Variants in H2BC12 observed in about 807,000 individuals in gnomAD.
The protein encoded by H2BC12 is H2B clustered histone 12, also known as histone H2B type 1-K.
In H2BC12, 6 loss-of-function variants were observed where a neutral mutation model predicts 6.3. The ratio of observed to expected loss-of-function variants is 0.95; its 90% CI spans 0.52 to 1.87. The LOEUF (loss-of-function observed/expected upper bound fraction) is 1.87. H2BC12 is among the 40% of genes most tolerant of loss of function. The probability of loss-of-function intolerance (pLI) is 0.01; values close to 1 mark genes in which losing one functional copy is unlikely to be tolerated. For synonymous variants in H2BC12, 132 were observed against 78.5 expected, an observed-to-expected ratio of 1.68 and a Z score of -3.60; for missense variants, 119 against 178.4, an observed-to-expected ratio of 0.67 and a Z score of 1.90.
chr6:27,143,846 T>TAAAAAAAAAAAAAAAAAAAAAAAA (rs34292040), downstream of H2BC12, among the ~76,000 whole-genome samples: 1 of 113,628 alleles, frequency 8.8e-6, no homozygotes, highest in Non-Finnish European at 1.8e-5. Flanking sequence ...AACTACTCTT[T>TAAAAAAAAAAAAAAAAAAAAAAAA]AAAAAAAAAA....
chr6:27,139,636 CCAGT>C, the H2BC12 span: 6 of 1,592,954 alleles, frequency 3.8e-6, no homozygotes, highest in East Asian at 4.5e-5. Flanking sequence ...ATTTTGAAGC[CCAGT>C]CATTCTCTAA....
chr6:27,140,349 C>T, the H2BC12 span, among the ~76,000 whole-genome samples: 1 of 152,056 alleles, frequency 6.6e-6, no homozygotes, highest in Non-Finnish European at 1.5e-5. Flanking sequence ...TTTACTGTTC[C>T]CACGCGTTTT....
In H2BC12 at chr6:27,146,757, G is replaced by T. The variant is rs538231648; in HGVS notation, c.42C>A (p.Gly14=). Residue 14 remains glycine, a synonymous_variant, in exon 1 of 1, where the codon GGC becomes GGA. Coordinates refer to ENST00000356950, the MANE Select transcript of H2BC12 (RefSeq NM_001312653.2). ...PAKSAPAPKK[G]SKKAVTKAQK... ...GCGCCTTAGTCACGGCTTTCTTCGA[G>T]CCCTTCTTGGGCGCGGGAGCGGACT... The T allele has an allele frequency of 5.0e-6, 8 of 1,614,146 alleles. No individual in the cohort carries two copies. The highest frequency in any genetic ancestry group is 2.2e-5 in the East Asian group (1 of 44,902).
At chr6:27,139,894 T>C in the H2BC12 span, 1 of 489,600 alleles carries the variant, frequency 2.0e-6, no homozygotes, top group Middle Eastern at 5.7e-4. Context: ...GGTTTACCGC[T>C]CGGATTAGTT....
chr6:27,142,564 A>G (rs556452838), downstream of H2BC12, among the ~76,000 whole-genome samples: 3 of 151,206 alleles, frequency 2.0e-5, no homozygotes, highest in South Asian at 6.3e-4. Context: ...GTGCCCAGAC[A>G]ATTTTTTTTA....
In H2BC12 at chr6:27,146,791, T is replaced by A; in HGVS notation, c.8A>T (p.Glu3Val). The change falls in exon 1 of 1, where the codon GAA becomes GTA. Residue 3 changes from glutamate (E) to valine (V), a missense_variant. This residue lies in a region of H2BC12 where 50 missense variants were observed against 37.4 expected (regional missense o/e 1.34). Transcript: ENST00000356950. MP[E>V]PAKSAPAPKK... ...GGGCGCGGGAGCGGACTTCGCTGGT[T>A]CCGGCATGTTGAAGGCGAACTACGA... 1 of 1,613,982 alleles carries A rather than the reference T, an allele frequency of 6.2e-7. No individual in the cohort carries two copies. Among genetic ancestry groups the A allele is most frequent in the Non-Finnish European group, 8.5e-7 (1 of 1,179,944 alleles).
At chr6:27,144,393 C>T (rs933617109), downstream of H2BC12, among the ~76,000 whole-genome samples, 33 of 122,030 alleles carry the variant, frequency 2.7e-4, no homozygotes, top group African/African-American at 6.2e-4. Flanking sequence ...ACCTGGGAGG[C>T]GGAGGTTGCA....
the H2BC12 span, chr6:27,139,297 G>C: frequency 6.3e-7 from 1 of 1,593,638 alleles, no homozygotes; most frequent in Admixed American, 1.7e-5. Context: ...TTTGTTCTCT[G>C]ACCACTTGAT....
downstream of H2BC12, among the ~76,000 whole-genome samples, chr6:27,142,557 C>T (rs1760018787): frequency 6.6e-6 from 1 of 151,848 alleles, no homozygotes; most frequent in African/African-American, 2.4e-5. Flanking sequence ...AGCCACTGTG[C>T]CCAGACAATT....
At chr6:27,145,809 C>G (rs1230407611), downstream of H2BC12, among the ~76,000 whole-genome samples, 1 of 152,216 alleles carries the variant, frequency 6.6e-6, no homozygotes, top group African/African-American at 2.4e-5. Context: ...TGCTCCTCCC[C>G]TTACCCTTGC....
the H2BC12 span, chr6:27,139,375 C>T: frequency 8.1e-5 from 131 of 1,614,088 alleles, no homozygotes; most frequent in Admixed American, 1.8e-4. Flanking sequence ...CCGCAAGGTG[C>T]TGCGCGACAA....
chr6:27,145,939 AT>A (rs1414325681), downstream of H2BC12, among the ~76,000 whole-genome samples: 9 of 152,200 alleles, frequency 5.9e-5, no homozygotes, highest in African/African-American at 2.2e-4. Context: ...AAGAGGTTAA[AT>A]AAGGTAACTG....
downstream of H2BC12, among the ~76,000 whole-genome samples, chr6:27,144,187 C>T (rs1395746444): frequency 4.6e-5 from 7 of 152,080 alleles, no homozygotes; most frequent in Non-Finnish European, 1.0e-4. Context: ...ATCAGCCGGG[C>T]GTGGTGGCTC....
downstream of H2BC12, chr6:27,146,283 T>G: frequency 7.0e-7 from 1 of 1,430,962 alleles, no homozygotes. Flanking sequence ...GATAAGATCA[T>G]GATAATCCCT....
the H2BC12 span, among the ~76,000 whole-genome samples, chr6:27,141,056 A>C: frequency 4.6e-5 from 7 of 151,966 alleles, no homozygotes; most frequent in South Asian, 6.2e-4. Flanking sequence ...GGGGGAAAAA[A>C]AAAAAACAAA....
chr6:27,139,015 T>G, the H2BC12 span: 1,316 of 325,286 alleles, frequency 4.0e-3, 6 homozygotes, highest in Non-Finnish European at 6.3e-3. Flanking sequence ...TATGCAGAGA[T>G]AACATTCTTT....
chr6:27,142,870 T>G (rs1760024807), downstream of H2BC12, among the ~76,000 whole-genome samples: 1 of 148,306 alleles, frequency 6.7e-6, no homozygotes, highest in South Asian at 2.2e-4. Flanking sequence ...CTCCTGATCT[T>G]GTGATCCACC....
rs1005704468 is a variant in H2BC12, at chr6:27,146,853, A to G, written c.-55T>C. On this transcript the variant is annotated 5_prime_UTR_variant, in exon 1 of 1. Coordinates refer to ENST00000356950, the MANE Select transcript of H2BC12 (RefSeq NM_001312653.2). ...GCAGCAGATCGAGAAAACGGGAAGT[A>G]ATGGGAGCAAGGTACCAGGAGTCGT... 1.6e-5 allele frequency: 26 copies of G among 1,594,860 alleles called. No homozygotes were observed. In the African/African-American group the frequency reaches 3.2e-4, roughly 20 times the overall value.
downstream of H2BC12, among the ~76,000 whole-genome samples, chr6:27,145,985 G>A (rs1042206270): frequency 4.6e-5 from 7 of 152,128 alleles, no homozygotes; most frequent in Non-Finnish European, 1.0e-4. Context: ...GAACGCCATC[G>A]GGAACCAAAT....
Sources: gnomAD v4.1 joint callset for allele counts (sites outside exome capture counted in the v4.1 genomes callset) on GRCh38, gnomAD v4.1.1 for gene constraint, gnomAD v4.1.1 regional missense constraint, MANE v1.5 for transcripts, NCBI Gene and HGNC (gene_info 2026-07-23, HGNC 2026-07-21) for gene names.